The following WDR49 variants were observed in gnomAD, a reference collection of about 807,000 sequenced individuals.
The protein encoded by WDR49 is cilia- and flagella-associated protein 337.
A neutral mutation model predicts 119.5 loss-of-function variants in WDR49; 107 were observed. That is an observed-to-expected ratio of 0.90 (90% CI 0.77 to 1.05). WDR49 has a LOEUF of 1.05. WDR49 is among the 50% of genes least tolerant of loss of function. The pLI is 0.00. For synonymous variants in WDR49, 425 were observed against 418.8 expected (o/e 1.01, Z -0.18); for missense variants, 1,240 against 1,220.5 (o/e 1.02, Z -0.24).
At chr3:167,488,145 AACACACACACACACACACACACACACAC>A (rs57719248) in intron 18 of WDR49, among the ~76,000 whole-genome samples, 4 of 136,194 alleles carry the variant, frequency 2.9e-5, no homozygotes, top group Non-Finnish European at 4.8e-5. Context: ...GATACACTCA[AACACACACACACACACACACACACACAC>A]ACACACACAC....
At chr3:167,490,189 T>C (rs562338575) in intron 18 of WDR49, among the ~76,000 whole-genome samples, 1 of 152,262 alleles carries the variant, frequency 6.6e-6, no homozygotes, top group South Asian at 2.1e-4. Flanking sequence ...CAAAATACTT[T>C]AATAGTTTTC....
At chr3:167,512,461 G>A (rs900874652) in intron 16 of WDR49, among the ~76,000 whole-genome samples, 3 of 152,102 alleles carry the variant, frequency 2.0e-5, no homozygotes, top group Non-Finnish European at 4.4e-5. Context: ...CAAAGGTCAG[G>A]AGCCTCAAAG....
chr3:167,495,883 G>GAAAAAAAAAAAAAAA, intron 18 of WDR49, among the ~76,000 whole-genome samples: 7 of 71,220 alleles, frequency 9.8e-5, no homozygotes, highest in Non-Finnish European at 1.4e-4. Flanking sequence ...TTAAAAATTT[G>GAAAAAAAAAAAAAAA]AAAAAAAAAA....
chr3:167,573,331 T>A (rs900685263), intron 8 of WDR49, among the ~76,000 whole-genome samples: 12 of 151,918 alleles, frequency 7.9e-5, no homozygotes, highest in African/African-American at 2.7e-4. Flanking sequence ...AAACTTTTGG[T>A]CTTGGGATTC....
intron 13 of WDR49, 116 bp from the exon 14 acceptor site, chr3:167,529,355 G>C (rs895721161): frequency 1.2e-6 from 1 of 857,412 alleles, no homozygotes; most frequent in African/African-American, 1.7e-5. Context: ...GTAGCCCTGA[G>C]ATCAATTCCC....
At chr3:167,506,856 T>C (rs1751789727) in intron 16 of WDR49, among the ~76,000 whole-genome samples, 1 of 152,210 alleles carries the variant, frequency 6.6e-6, no homozygotes, top group African/African-American at 2.4e-5. Context: ...GAAATACTTG[T>C]TGGATTTTTT....
chr3:167,555,506 G>A (rs964515431), intron 9 of WDR49, among the ~76,000 whole-genome samples: 15 of 152,218 alleles, frequency 9.9e-5, no homozygotes, highest in South Asian at 2.1e-4. Context: ...TTTACAGCCC[G>A]TCAGTCAGAA....
In WDR49 at chr3:167,580,529, T is replaced by C. The variant is rs188289902; in HGVS notation, c.1276-4378A>G. On this transcript the variant is annotated intron_variant, in intron 7 of 18. Coordinates refer to ENST00000682715, the MANE Select transcript of WDR49 (RefSeq NM_001366157.1). ...CCAGGCATTTCCTTTGCATTATACC[T>C]AACTTCTCTGTTTTGTTTTAAGGTC... 9.7e-4 allele frequency among the ~76,000 whole-genome samples: 147 copies of C among 152,312 alleles called. 1 individual carries two copies. The highest frequency in any genetic ancestry group is 7.8e-3 in the Admixed American group (119 of 15,302).
intron 18 of WDR49, among the ~76,000 whole-genome samples, chr3:167,499,517 C>CT (rs1342893299): frequency 1.3e-5 from 2 of 152,188 alleles, no homozygotes; most frequent in Non-Finnish European, 2.9e-5. Flanking sequence ...GTTACCTGTT[C>CT]TTTCACAGGA....
chr3:167,576,185 T>G (rs771810475), intron 7 of WDR49, 34 bp from the exon 8 acceptor site: 1 of 1,577,462 alleles, frequency 6.3e-7, no homozygotes, highest in Non-Finnish European at 8.7e-7. Context: ...TTTCAATATG[T>G]CAAAGATAAT....
At chr3:167,617,978 G>A (rs535422370) in intron 5 of WDR49, among the ~76,000 whole-genome samples, 16 of 152,270 alleles carry the variant, frequency 1.1e-4, no homozygotes, top group African/African-American at 3.1e-4. Context: ...AGCCTTCGAC[G>A]TTTCACGGCC....
chr3:167,505,742 T>A lies in WDR49; in HGVS notation c.2775-326A>T, dbSNP rs919706666. The stretch of plus-strand genomic sequence containing the variant: ...AACACGTACATTATCCTTGCCTTAT[T>A]AATAAATTATATAATGAGAAGTAAG... On this transcript the variant is annotated intron_variant, in intron 16 of 18. Transcript: ENST00000682715. Among the ~76,000 whole-genome samples the A allele has an allele frequency of 8.5e-5, 13 of 152,326 alleles. No homozygotes were observed. The East Asian group carries it at 2.5e-3, about 29-fold the overall frequency.
intron 2 of WDR49, among the ~76,000 whole-genome samples, chr3:167,630,080 G>A (rs1365104374): frequency 1.3e-5 from 2 of 152,094 alleles, no homozygotes; most frequent in African/African-American, 4.8e-5. Context: ...TCTATTGTGA[G>A]TAAAACACTG....
intron 5 of WDR49, among the ~76,000 whole-genome samples, chr3:167,618,965 G>A (rs906169346): frequency 6.6e-6 from 1 of 152,088 alleles, no homozygotes; most frequent in Non-Finnish European, 1.5e-5. Context: ...TGCAGTGAGA[G>A]CTTCCCCATT....
At chr3:167,592,028 T>C (rs934867498) in intron 7 of WDR49, among the ~76,000 whole-genome samples, 29 of 152,200 alleles carry the variant, frequency 1.9e-4, no homozygotes, top group African/African-American at 7.0e-4. Flanking sequence ...GGTCATATGA[T>C]TTAGTTTCTT....
intron 13 of WDR49, among the ~76,000 whole-genome samples, chr3:167,530,750 G>A (rs1752821341): frequency 6.6e-6 from 1 of 152,040 alleles, no homozygotes; most frequent in Non-Finnish European, 1.5e-5. Flanking sequence ...TGCTATATGT[G>A]GACTTAAGCT....
At chr3:167,555,693 T>C (rs1712881464) in intron 9 of WDR49, among the ~76,000 whole-genome samples, 1 of 152,150 alleles carries the variant, frequency 6.6e-6, no homozygotes, top group Non-Finnish European at 1.5e-5. Context: ...AATTGGTGTG[T>C]GGGAAAAATC....
At chr3:167,651,870 A>G (rs372759113) in intron 2 of WDR49, among the ~76,000 whole-genome samples, 122 of 152,290 alleles carry the variant, frequency 8.0e-4, no homozygotes, top group Middle Eastern at 3.4e-3. Flanking sequence ...AACCTTCTGA[A>G]GCAGTTTCAC....
At chr3:167,595,428 A>G (rs1288035112) in intron 7 of WDR49, among the ~76,000 whole-genome samples, 1 of 152,234 alleles carries the variant, frequency 6.6e-6, no homozygotes, top group African/African-American at 2.4e-5. Flanking sequence ...CTAAGCCAAA[A>G]GAACAAATCT....
Sources: gnomAD v4.1 joint callset for allele counts (sites outside exome capture counted in the v4.1 genomes callset) on GRCh38, gnomAD v4.1.1 for gene constraint, MANE v1.5 for transcripts, NCBI Gene and HGNC (gene_info 2026-07-23, HGNC 2026-07-21) for gene names.